PATL1: variants seen among roughly 807,000 people sequenced by gnomAD.
PATL1 encodes PAT1 homolog 1, processing body mRNA decay factor, also known as protein PAT1 homolog 1.
Under a neutral mutation model 100.6 loss-of-function variants are expected in PATL1, and 32 were observed. That is an observed-to-expected ratio of 0.32 (90% CI 0.24 to 0.43). The LOEUF is 0.43. Ranked by LOEUF, PATL1 falls within the 20% of genes least tolerant of loss-of-function variation. The probability of loss-of-function intolerance (pLI) is 1.00; values close to 1 mark genes in which losing one functional copy is unlikely to be tolerated. For synonymous variants in PATL1, 332 were observed against 330.0 expected, an observed-to-expected ratio of 1.01 and a Z score of -0.07; for missense variants, 747 against 949.9, an observed-to-expected ratio of 0.79 and a Z score of 2.81.
chr11:59,645,040 T>TA (rs1388518060), intron 15 of PATL1, among the ~76,000 whole-genome samples: 2 of 144,274 alleles, frequency 1.4e-5, no homozygotes, highest in African/African-American at 2.7e-5. Flanking sequence ...TTTTTTTTTT[T>TA]AATCCATTCA....
intron 2 of PATL1, among the ~76,000 whole-genome samples, chr11:59,665,082 T>G (rs1197723318): frequency 6.6e-6 from 1 of 152,224 alleles, no homozygotes; most frequent in Non-Finnish European, 1.5e-5. Context: ...CTTTCCATCA[T>G]GAGTCTAGCT....
rs1334004045 is a variant in PATL1, at chr11:59,658,951, CAA to C, written c.346-7_346-6del. ...ATTCAGACTTCCTGGTTGGGGCTAA[CAA>C]AAAAGGAAAACATACAGAGTCTGAA... On this transcript the variant is annotated splice_polypyrimidine_tract_variant and splice_region_variant and intron_variant, in intron 3 of 18. Transcript: ENST00000300146. 6.5e-7 allele frequency: 1 copy of C among 1,543,058 alleles called. No individual in the cohort carries two copies. The highest frequency in any genetic ancestry group is 2.4e-5 in the East Asian group (1 of 40,818).
chr11:59,666,521 T>A (rs1374618066), intron 2 of PATL1, among the ~76,000 whole-genome samples: 1 of 152,202 alleles, frequency 6.6e-6, no homozygotes, highest in Non-Finnish European at 1.5e-5. Flanking sequence ...AAAATTCCTC[T>A]CATCTAGGAT....
chr11:59,646,748 T>A (rs1861370658), intron 15 of PATL1, among the ~76,000 whole-genome samples: 1 of 152,230 alleles, frequency 6.6e-6, no homozygotes, highest in Non-Finnish European at 1.5e-5. Flanking sequence ...TCATCCTTTG[T>A]CCCACTTTTA....
chr11:59,645,356 G>T (rs917849925), intron 15 of PATL1, among the ~76,000 whole-genome samples: 7 of 140,576 alleles, frequency 5.0e-5, no homozygotes, highest in African/African-American at 1.9e-4. Context: ...AGTAGGGGCG[G>T]CCAGGCAGAG....
Position 59,668,899 on chromosome 11 carries a change from TGGGGAGGGGGGCAGGGAGCGGGGAGG to T in PATL1, c.-30_-5del. On this transcript the variant is annotated 5_prime_UTR_variant, in exon 1 of 19. Transcript: ENST00000300146. Reference sequence around the variant, plus strand: ...AGCTCACCTCGTAGCGGAACATTCTTGGGGAGGGGGGCAGGGAGCGGGGAGGGGAGAGGGGGAGGGAGGGAAGAAGC... The same window carrying T: ...AGCTCACCTCGTAGCGGAACATTCTTGGAGAGGGGGAGGGAGGGAAGAAGC... 6 of 667,754 alleles carry T rather than the reference TGGGGAGGGGGGCAGGGAGCGGGGAGG, an allele frequency of 9.0e-6. No individual in the cohort carries two copies. Among genetic ancestry groups the T allele is most frequent in the Non-Finnish European group, 8.4e-6 (4 of 478,260 alleles). 41.4% of individuals were successfully genotyped at this position (667,754 alleles called of 1,614,324 possible). A position where few individuals can be genotyped will look rare whatever the true frequency, so the allele number is the denominator to read the frequency against.
intron 2 of PATL1, 145 bp downstream of exon 2, chr11:59,666,708 G>A (rs1285202049): frequency 6.0e-6 from 5 of 838,520 alleles, no homozygotes; most frequent in Non-Finnish European, 8.6e-6. Flanking sequence ...AGTGAAGAAT[G>A]AACTATTCTA....
chr11:59,652,086 A>AAAAAAAAAAAAAAAAAAAAAAAAAAAAAC (rs1861455394), intron 11 of PATL1, among the ~76,000 whole-genome samples: 1 of 145,578 alleles, frequency 6.9e-6, no homozygotes, highest in Non-Finnish European at 1.5e-5. Flanking sequence ...AAAAAAAAAA[A>AAAAAAAAAAAAAAAAAAAAAAAAAAAAAC]AAAAAAGACA....
chr11:59,668,467 G>C (rs983023799), intron 1 of PATL1, among the ~76,000 whole-genome samples: 3 of 152,114 alleles, frequency 2.0e-5, no homozygotes, highest in African/African-American at 7.2e-5. Context: ...AATTCGAGTG[G>C]AGGTGGGTGG....
At chr11:59,660,372 A>G (rs1174305369) in intron 2 of PATL1, among the ~76,000 whole-genome samples, 1 of 152,244 alleles carries the variant, frequency 6.6e-6, no homozygotes, top group Non-Finnish European at 1.5e-5. Context: ...GACAATAAGC[A>G]TAATGATTAG....
rs1312735360 is a variant in PATL1 at position 59,655,657 on chromosome 11, C to T, written c.897G>A (p.Lys299=). 2 of 1,604,020 alleles carry T rather than the reference C, an allele frequency of 1.2e-6. No individual in the cohort carries two copies. Among genetic ancestry groups the T allele is most frequent in the Middle Eastern group, 1.6e-4 (1 of 6,072 alleles). ...TCTGCCCAACTCGCCCTTGTAGCAA[C>T]TTGGGATTCATGGCAGCAAGTGGAC... ...VGSPLAAMNP[K]LLQGRVGQML... is the part of the protein sequence containing the mutation. The change falls in exon 8 of 19, where the codon AAG becomes AAA. Residue 299 remains lysine (K), a synonymous_variant. Transcript: ENST00000300146.
In PATL1 at chr11:59,639,079, G is replaced by A; in HGVS notation, c.2260C>T (p.Gln754Ter). The A allele has an allele frequency of 6.2e-7, 1 of 1,613,868 alleles. No homozygotes were observed. The highest frequency in any genetic ancestry group is 8.5e-7 in the Non-Finnish European group (1 of 1,179,858). The change falls in exon 18 of 19, where the codon CAG becomes TAG. Residue 754 changes from glutamine (Q) to a stop codon, truncating the protein, a stop_gained. Coordinates refer to ENST00000300146, the MANE Select transcript of PATL1 (RefSeq NM_152716.3). LOFTEE classifies it high-confidence loss of function. Reference protein sequence around the residue: ...VSLFSRYVDRQKLNLLETKLQ... With the variant: ...VSLFSRYVDR ...TTTGTCTCCAGCAAGTTCAGTTTCT[G>A]CCGGTCAACATAGCGAGAAAAGAGG...
rs1861411991 is a variant in PATL1, at chr11:59,649,558, C to T, written c.1637G>A (p.Ser546Asn). 2 of 1,613,592 alleles carry T rather than the reference C, an allele frequency of 1.2e-6. No individual in the cohort carries two copies. The highest frequency in any genetic ancestry group is 1.7e-6 in the Non-Finnish European group (2 of 1,179,718). The change falls in exon 14 of 19, where the codon AGT becomes AAT. Residue 546 changes from serine to asparagine, a missense_variant. This residue lies in a region of PATL1 where 434 missense variants were observed against 596.1 expected (regional missense o/e 0.73). Coordinates refer to ENST00000300146, the MANE Select transcript of PATL1 (RefSeq NM_152716.3). ...VEDYERRYLL[S>N]LEEERPALMD... Reference sequence around the variant, plus strand: ...TAGGGCAGGTCGCTCTTCTTCCAGACTTAGGAGATAACGTCTTTCATAGTC... The same window carrying T: ...TAGGGCAGGTCGCTCTTCTTCCAGATTTAGGAGATAACGTCTTTCATAGTC...
intron 15 of PATL1, among the ~76,000 whole-genome samples, chr11:59,644,980 A>G (rs1861340686): frequency 7.2e-6 from 1 of 138,422 alleles, no homozygotes; most frequent in African/African-American, 2.7e-5. Flanking sequence ...TAATGGGTTC[A>G]GGTGTTGCCA....
At chr11:59,664,972 T>G (rs1861668155) in intron 2 of PATL1, among the ~76,000 whole-genome samples, 1 of 152,248 alleles carries the variant, frequency 6.6e-6, no homozygotes, top group Admixed American at 6.5e-5. Context: ...TCTTTGCCTG[T>G]GATCTCCATG....
At chr11:59,649,697 C>A in intron 13 of PATL1, 87 bp from the exon 14 acceptor site, 9 of 1,295,714 alleles carry the variant, frequency 6.9e-6, no homozygotes, top group Non-Finnish European at 8.2e-6. Context: ...GGACTACTAG[C>A]TAAAGACAAA....
rs1348992055 is a variant in PATL1, at chr11:59,637,526, G to A, written c.*864C>T. 6.5e-6 allele frequency: 1 copy of A among 152,696 alleles called. No individual in the cohort carries two copies. The highest frequency in any genetic ancestry group is 1.5e-5 in the Non-Finnish European group (1 of 68,072). The allele number at this position is 152,696 out of a possible 1,614,324, so 9.5% of individuals were successfully genotyped here. On this transcript the variant is annotated 3_prime_UTR_variant, in exon 19 of 19. Coordinates refer to ENST00000300146, the MANE Select transcript of PATL1 (RefSeq NM_152716.3). ...CACACTGCCAAAGCAGGCTACTAGTGAGGATCATCCTGGGTGACTTCGAAT... is the reference window on the plus strand; with the variant it reads ...CACACTGCCAAAGCAGGCTACTAGTAAGGATCATCCTGGGTGACTTCGAAT...
chr11:59,664,101 T>C (rs1281418454), intron 2 of PATL1, among the ~76,000 whole-genome samples: 1 of 152,208 alleles, frequency 6.6e-6, no homozygotes, highest in East Asian at 1.9e-4. Context: ...AAAAATCCTT[T>C]CTAATCACCC....
chr11:59,655,345 A>G (rs1861512553), intron 8 of PATL1, among the ~76,000 whole-genome samples, 178 bp downstream of exon 8: 1 of 152,222 alleles, frequency 6.6e-6, no homozygotes, highest in Admixed American at 6.5e-5. Context: ...AATGTGAGAA[A>G]AATGTGATTC....
Sources: allele counts gnomAD v4.1 joint callset (sites outside exome capture counted in the v4.1 genomes callset), GRCh38; gene constraint gnomAD v4.1.1; regional missense constraint gnomAD v4.1.1; transcripts MANE v1.5; gene names NCBI Gene and HGNC (gene_info 2026-07-23, HGNC 2026-07-21).